Variants in TMEM117 observed in about 807,000 individuals in gnomAD.
The protein encoded by TMEM117 is transmembrane protein 117.
Under a neutral mutation model 52.4 loss-of-function variants are expected in TMEM117, and 27 were observed. The observed-to-expected ratio is 0.51, with a 90% CI of 0.38 to 0.71. The LOEUF is 0.71. Ranked by LOEUF, TMEM117 falls within the 30% of genes least tolerant of loss-of-function variation. The pLI, the probability that TMEM117 is intolerant of heterozygous loss-of-function variation, is 0.00. For missense variants in TMEM117, 556 were observed against 630.5 expected, an observed-to-expected ratio of 0.88 and a Z score of 1.26; for synonymous variants, 215 against 206.3, an observed-to-expected ratio of 1.04 and a Z score of -0.36.
At chr12:44,126,387 C>T (rs1375884120) in intron 3 of TMEM117, among the ~76,000 whole-genome samples, 2 of 152,192 alleles carry the variant, frequency 1.3e-5, no homozygotes, top group Non-Finnish European at 2.9e-5. Flanking sequence ...AATTCTTCTT[C>T]ACTCATTTAA....
chr12:43,850,897 T>A (rs985304582), intron 2 of TMEM117, among the ~76,000 whole-genome samples: 6 of 152,150 alleles, frequency 3.9e-5, no homozygotes, highest in African/African-American at 1.4e-4. Context: ...ATGATGATGT[T>A]GTGTGTATGT....
chr12:44,285,899 T>C (rs1950632632), intron 5 of TMEM117, among the ~76,000 whole-genome samples: 1 of 152,254 alleles, frequency 6.6e-6, no homozygotes, highest in Admixed American at 6.5e-5. Context: ...TTTGCCTGTT[T>C]ATTTTTTTCT....
rs1565797751 is a variant in TMEM117 at position 44,027,106 on chromosome 12, T to TTTATCTTA, written c.410+82768_410+82769insCTTATTAT. 5.4e-3 allele frequency among the ~76,000 whole-genome samples: 768 copies of TTTATCTTA among 141,882 alleles called. 13 individuals carry two copies. Among genetic ancestry groups the TTTATCTTA allele is most frequent in the African/African-American group, 0.016 (588 of 36,050 alleles). The allele number at this position is 141,882 out of a possible 152,430, so 93.1% of individuals were successfully genotyped here. ...CCTATTTTATTTTATTTTATTTTAT[T>TTTATCTTA]TTATTTTATCTTATTATTTTATTTT... On this transcript the variant is annotated intron_variant, in intron 3 of 7. Transcript: ENST00000266534.
intron 3 of TMEM117, among the ~76,000 whole-genome samples, chr12:44,020,717 A>G (rs1184933831): frequency 6.6e-6 from 1 of 152,208 alleles, no homozygotes; most frequent in Admixed American, 6.5e-5. Flanking sequence ...TATTTTATAC[A>G]TATTTTAAGG....
intron 3 of TMEM117, among the ~76,000 whole-genome samples, chr12:44,134,527 G>A (rs142911359): frequency 7.1e-4 from 108 of 152,238 alleles, no homozygotes; most frequent in African/African-American, 2.3e-3. Flanking sequence ...ATTTATATGC[G>A]GAAACAGTAC....
chr12:43,973,521 G>A (rs1394777572), intron 3 of TMEM117, among the ~76,000 whole-genome samples: 1 of 152,154 alleles, frequency 6.6e-6, no homozygotes, highest in Non-Finnish European at 1.5e-5. Context: ...AACCTCACAG[G>A]TGAAACCAAG....
chr12:44,238,646 AAACAACAAC>A (rs748966377), intron 5 of TMEM117, among the ~76,000 whole-genome samples: 8 of 151,718 alleles, frequency 5.3e-5, no homozygotes, highest in African/African-American at 1.9e-4. Flanking sequence ...CCCTGTCTCT[AAACAACAAC>A]AACAACAACA....
intron 4 of TMEM117, among the ~76,000 whole-genome samples, chr12:44,155,214 A>G (rs1364820020): frequency 6.6e-6 from 1 of 152,066 alleles, no homozygotes; most frequent in African/African-American, 2.4e-5. Context: ...CCAAAACCCC[A>G]CTGAGGGTCT....
At chr12:44,269,706 A>C (rs1250375846) in intron 5 of TMEM117, among the ~76,000 whole-genome samples, 1 of 151,992 alleles carries the variant, frequency 6.6e-6, no homozygotes, top group East Asian at 1.9e-4. Flanking sequence ...TTATATTTAT[A>C]TTATGTTATA....
chr12:44,118,438 G>C (rs1301386395), intron 3 of TMEM117, among the ~76,000 whole-genome samples: 1 of 152,164 alleles, frequency 6.6e-6, no homozygotes, highest in African/African-American at 2.4e-5. Context: ...TATTTTAAAA[G>C]AGAAGCAAGG....
intron 3 of TMEM117, among the ~76,000 whole-genome samples, chr12:43,991,354 G>A (rs895405881): frequency 6.6e-6 from 1 of 152,112 alleles, no homozygotes; most frequent in Non-Finnish European, 1.5e-5. Flanking sequence ...CTCCATTTGA[G>A]CACCTCGGGA....
At chr12:43,834,584 G>T (rs1943002767), upstream of TMEM117, among the ~76,000 whole-genome samples, 1 of 152,218 alleles carries the variant, frequency 6.6e-6, no homozygotes, top group Non-Finnish European at 1.5e-5. Flanking sequence ...TAAGAGTTCT[G>T]TAAAATGATC....
intron 3 of TMEM117, among the ~76,000 whole-genome samples, chr12:43,999,118 A>C (rs986483082): frequency 1.3e-5 from 2 of 152,318 alleles, no homozygotes; most frequent in Admixed American, 1.3e-4. Flanking sequence ...ACACTTTGGC[A>C]GTTTATAAAG....
chr12:44,357,836 A>G lies in TMEM117; in HGVS notation c.769-18759A>G, dbSNP rs1318715625. ...ATTACTGGGTGTGTATATTCAAAAT[A>G]AAGTAAATTGTTCTTCCAGAAAGAC... is the stretch of plus-strand genomic sequence containing the variant. On this transcript the variant is annotated intron_variant, in intron 6 of 7. Transcript: ENST00000266534. 2.0e-5 allele frequency among the ~76,000 whole-genome samples: 3 copies of G among 152,140 alleles called. No homozygotes were observed. The East Asian group carries it at 5.8e-4, about 29-fold the overall frequency.
At chr12:44,328,538 G>A (rs185263060) in intron 6 of TMEM117, among the ~76,000 whole-genome samples, 89 of 152,172 alleles carry the variant, frequency 5.8e-4, no homozygotes, top group African/African-American at 1.8e-3. Flanking sequence ...TTAGTGTCAC[G>A]GATCAGCCAC....
rs1007200178 is a variant in TMEM117, at chr12:44,325,692, A to C, written c.768+25953A>C. Reference sequence around the variant, plus strand: ...TATTTGTTCTGAGTTTTATTTGTTGAGATTGTTTACAACAGTTGTTTTCAA... The same window carrying C: ...TATTTGTTCTGAGTTTTATTTGTTGCGATTGTTTACAACAGTTGTTTTCAA... On this transcript the variant is annotated intron_variant, in intron 6 of 7. Coordinates refer to ENST00000266534, the MANE Select transcript of TMEM117 (RefSeq NM_032256.3). Among the ~76,000 whole-genome samples, 9 of 152,114 alleles carry C rather than the reference A, an allele frequency of 5.9e-5. No individual in the cohort carries two copies. The East Asian group carries it at 1.5e-3, about 26-fold the overall frequency.
At chr12:43,797,840 A>C in the TMEM117 span, 2 of 1,608,376 alleles carry the variant, frequency 1.2e-6, no homozygotes, top group Non-Finnish European at 1.7e-6. Flanking sequence ...GTACCTAAGT[A>C]TGACAGATTT....
intron 1 of TMEM117, among the ~76,000 whole-genome samples, chr12:43,840,440 A>AG (rs1444487965): frequency 1.3e-5 from 2 of 152,130 alleles, no homozygotes; most frequent in African/African-American, 4.8e-5. Flanking sequence ...GAGGGAGTTG[A>AG]GGGGGGGTGC....
intron 3 of TMEM117, among the ~76,000 whole-genome samples, chr12:44,035,315 T>TGAAACAA: frequency 6.6e-6 from 1 of 152,228 alleles, no homozygotes; most frequent in Non-Finnish European, 1.5e-5. Flanking sequence ...AGGAATTGAG[T>TGAAACAA]AGATGACTGC....
Sources: gnomAD v4.1 joint callset for allele counts (sites outside exome capture counted in the v4.1 genomes callset) on GRCh38, gnomAD v4.1.1 for gene constraint, MANE v1.5 for transcripts, NCBI Gene and HGNC (gene_info 2026-07-23, HGNC 2026-07-21) for gene names.